CFAP68: variants seen among roughly 807,000 people sequenced by gnomAD.
CFAP68 encodes cilia- and flagella-associated protein 68.
the CFAP68 span, chr11:111,884,675 A>C: frequency 6.6e-6 from 1 of 152,090 alleles, no homozygotes; most frequent in Admixed American, 6.6e-5. Flanking sequence ...CTACAAAAAC[A>C]AACGTAACTT....
chr11:111,883,215 T>C, the CFAP68 span: 1 of 1,551,444 alleles, frequency 6.4e-7, no homozygotes, highest in South Asian at 1.2e-5. Flanking sequence ...ACGTGGACTG[T>C]TTTTTCAAAT....
the CFAP68 span, chr11:111,883,181 A>G: frequency 6.3e-7 from 1 of 1,578,576 alleles, no homozygotes; most frequent in South Asian, 1.2e-5. Flanking sequence ...CTACAACAAC[A>G]AAATGCCACT....
chr11:111,883,206 C>T, the CFAP68 span: 22 of 1,562,412 alleles, frequency 1.4e-5, 1 homozygote, highest in African/African-American at 4.1e-5. Flanking sequence ...ACACATAGTA[C>T]GTGGACTGTT....
chr11:111,880,525 A>G, the CFAP68 span, among the ~76,000 whole-genome samples: 225 of 152,310 alleles, frequency 1.5e-3, no homozygotes, highest in African/African-American at 5.2e-3. Flanking sequence ...GGTCATCCTC[A>G]TTGCTACACT....
chr11:111,881,381 C>T, the CFAP68 span: 2 of 1,511,126 alleles, frequency 1.3e-6, no homozygotes. Flanking sequence ...TTCAATGCTG[C>T]ATTATTGGCT....
chr11:111,883,148 T>G, the CFAP68 span: 110 of 1,579,268 alleles, frequency 7.0e-5, no homozygotes, highest in Non-Finnish European at 3.2e-5. Context: ...TGGACACTAC[T>G]TTGAAACAAC....
the CFAP68 span, chr11:111,883,937 G>T: frequency 8.0e-7 from 1 of 1,247,986 alleles, no homozygotes. Flanking sequence ...TTCACATCCA[G>T]GTTTCTAAGA....
the CFAP68 span, chr11:111,882,403 CTGTGG>C: frequency 6.2e-7 from 1 of 1,614,056 alleles, no homozygotes; most frequent in Non-Finnish European, 8.5e-7. Context: ...CAAACCCACA[CTGTGG>C]CAGCCTTGTT....
the CFAP68 span, chr11:111,881,221 A>G: frequency 4.7e-5 from 63 of 1,348,882 alleles, no homozygotes; most frequent in Non-Finnish European, 5.8e-5. Flanking sequence ...CCCTAGAGAC[A>G]GTTACACCTA....
the CFAP68 span, chr11:111,883,323 C>T: frequency 3.6e-6 from 3 of 832,568 alleles, no homozygotes; most frequent in South Asian, 3.3e-5. Flanking sequence ...GGCGCAGTGG[C>T]TCACACCTGT....
the CFAP68 span, among the ~76,000 whole-genome samples, chr11:111,880,261 C>G: frequency 6.6e-5 from 10 of 152,060 alleles, no homozygotes; most frequent in Non-Finnish European, 1.2e-4. Context: ...TCCATGTTTG[C>G]TCAATGTTTA....
the CFAP68 span, chr11:111,885,544 A>G: frequency 1.3e-5 from 2 of 152,226 alleles, no homozygotes; most frequent in Non-Finnish European, 2.9e-5. Context: ...ATAAGGGTCC[A>G]ACTGGTTTAA....
the CFAP68 span, chr11:111,879,564 GCTGC>G: frequency 6.2e-7 from 1 of 1,614,132 alleles, no homozygotes; most frequent in Non-Finnish European, 8.5e-7. Flanking sequence ...GTCTGAAATG[GCTGC>G]CTCCCAGTGT....
At chr11:111,882,198 A>C in the CFAP68 span, among the ~76,000 whole-genome samples, 2 of 152,166 alleles carry the variant, frequency 1.3e-5, no homozygotes, top group African/African-American at 4.8e-5. Context: ...GAAAGAATGG[A>C]TCAAAGGGTC....
the CFAP68 span, chr11:111,883,791 T>A: frequency 6.2e-7 from 1 of 1,613,084 alleles, no homozygotes; most frequent in South Asian, 1.1e-5. Context: ...AGAGCCTCAC[T>A]GGTTCCCAGG....
At chr11:111,881,634 AG>A in the CFAP68 span, 1 of 1,516,062 alleles carries the variant, frequency 6.6e-7, no homozygotes, top group Non-Finnish European at 8.8e-7. Flanking sequence ...TTCCTAAGTC[AG>A]GGGGCCAGAC....
the CFAP68 span, chr11:111,882,497 A>G: frequency 1.2e-6 from 2 of 1,614,182 alleles, no homozygotes; most frequent in Non-Finnish European, 1.7e-6. Context: ...GCGATGCACC[A>G]CTAATGAGAA....
At chr11:111,880,383 G>C in the CFAP68 span, among the ~76,000 whole-genome samples, 4 of 152,186 alleles carry the variant, frequency 2.6e-5, no homozygotes, top group Admixed American at 1.3e-4. Flanking sequence ...AGTAAGTTAA[G>C]GCATTCTTAG....
chr11:111,882,849 C>T, the CFAP68 span, among the ~76,000 whole-genome samples: 1 of 152,194 alleles, frequency 6.6e-6, no homozygotes, highest in Non-Finnish European at 1.5e-5. Context: ...TCTGTTTGGA[C>T]TTTATCTCTT....
Sources: allele counts gnomAD v4.1 joint callset (sites outside exome capture counted in the v4.1 genomes callset), GRCh38; gene constraint gnomAD v4.1.1; transcripts MANE v1.5; gene names NCBI Gene and HGNC (gene_info 2026-07-23, HGNC 2026-07-21).